TRAF2: variants seen among roughly 807,000 people sequenced by gnomAD.
TRAF2 encodes TNF receptor-associated factor 2.
A neutral mutation model predicts 55.6 loss-of-function variants in TRAF2; 6 were observed. The observed-to-expected ratio is 0.11, with a 90% CI of 0.06 to 0.21. TRAF2 has a LOEUF of 0.21. Ranked by LOEUF, TRAF2 falls within the 10% of genes least tolerant of loss-of-function variation. The pLI is 1.00. For synonymous variants in TRAF2, 329 were observed against 276.3 expected (o/e 1.19, Z -1.89); for missense variants, 561 against 684.5 (o/e 0.82, Z 2.01).
At chr9:136,883,069 C>T (rs1296908145), upstream of TRAF2, among the ~76,000 whole-genome samples, 2 of 152,128 alleles carry the variant, frequency 1.3e-5, no homozygotes, top group African/African-American at 4.8e-5. Context: ...GGGGTTTCAC[C>T]ACCTTGGCCA....
chr9:136,899,384 C>T (rs1170582722), intron 2 of TRAF2, among the ~76,000 whole-genome samples: 2 of 152,132 alleles, frequency 1.3e-5, no homozygotes, highest in East Asian at 3.9e-4. Flanking sequence ...TTCAGGCGTG[C>T]CTTCCTCACA....
chr9:136,924,960 A>G (rs554685188), intron 10 of TRAF2, among the ~76,000 whole-genome samples: 1 of 152,162 alleles, frequency 6.6e-6, no homozygotes, highest in Admixed American at 6.5e-5. Flanking sequence ...GCTGGTCTTG[A>G]TCTCCTGACC....
At chr9:136,889,549 T>A (rs559629089) in intron 1 of TRAF2, 1 of 152,262 alleles carries the variant, frequency 6.6e-6, no homozygotes, top group African/African-American at 2.4e-5. Context: ...ACTCCCAAAG[T>A]GCTGGGATTA....
intron 6 of TRAF2, among the ~76,000 whole-genome samples, chr9:136,910,530 G>C (rs1850078794): frequency 6.6e-6 from 1 of 152,218 alleles, no homozygotes; most frequent in East Asian, 1.9e-4. Context: ...AGGAAGCTGG[G>C]AAATAATACG....
intron 6 of TRAF2, among the ~76,000 whole-genome samples, chr9:136,913,070 C>T (rs1002181094): frequency 6.6e-6 from 1 of 151,812 alleles, no homozygotes; most frequent in Non-Finnish European, 1.5e-5. Context: ...CCGGGAGGCA[C>T]AGGTTGCAGT....
intron 4 of TRAF2, among the ~76,000 whole-genome samples, chr9:136,904,639 G>GCT (rs1849903989): frequency 6.6e-6 from 1 of 151,562 alleles, no homozygotes; most frequent in South Asian, 2.1e-4. Context: ...AATCTCCTGA[G>GCT]CTCGTGATCC....
At chr9:136,905,696 A>G (rs936696963) in intron 4 of TRAF2, among the ~76,000 whole-genome samples, 1 of 152,182 alleles carries the variant, frequency 6.6e-6, no homozygotes, top group African/African-American at 2.4e-5. Flanking sequence ...GACTTCTCCC[A>G]AAAGACGTGT....
chr9:136,900,513 A>C lies in TRAF2; in HGVS notation c.359A>C (p.Glu120Ala), dbSNP rs764955022. ...DGCTWKGTLK[E>A]YESCHEGRCP... ...TGCACCTGGAAGGGGACCCTGAAAG[A>C]ATACGAGGTAAAGATGCCTGCGTGT... The change falls in exon 4 of 11, where the codon GAA becomes GCA. Residue 120 changes from glutamate (E) to alanine (A), a missense_variant. By Grantham distance (107) the Glu-to-Ala change is moderately radical. Coordinates refer to ENST00000247668, the MANE Select transcript of TRAF2 (RefSeq NM_021138.4). 12 of 1,614,014 alleles carry C rather than the reference A, an allele frequency of 7.4e-6. No individual in the cohort carries two copies. Among genetic ancestry groups the C allele is most frequent in the Non-Finnish European group, 1.0e-5 (12 of 1,179,932 alleles).
At chr9:136,886,106 T>C (rs1182450506), upstream of TRAF2, 3 of 152,270 alleles carry the variant, frequency 2.0e-5, no homozygotes, top group Admixed American at 2.0e-4. Flanking sequence ...ACCTCTCGGG[T>C]GTGCGGCAGG....
At chr9:136,895,824 T>G in intron 1 of TRAF2, among the ~76,000 whole-genome samples, 2 of 135,488 alleles carry the variant, frequency 1.5e-5, no homozygotes, top group East Asian at 2.1e-4. Context: ...CCAGCCTAGG[T>G]GACAGAGCGT....
In TRAF2 at chr9:136,925,929, G is replaced by A; in HGVS notation, c.*28G>A. 1.2e-6 allele frequency: 2 copies of A among 1,612,416 alleles called. No individual in the cohort carries two copies. The highest frequency in any genetic ancestry group is 8.5e-7 in the Non-Finnish European group (1 of 1,179,138). ...GCCCCCTACTGGTGTCTGGGGGTTG[G>A]GGGCAGCCAGGCACAGCCGGCTCAC... On this transcript the variant is annotated 3_prime_UTR_variant, in exon 11 of 11. Transcript: ENST00000247668.
chr9:136,908,105 C>T lies in TRAF2; in HGVS notation c.402C>T (p.Thr134=), dbSNP rs771832578. 20 of 1,605,906 alleles carry T rather than the reference C, an allele frequency of 1.2e-5. No individual in the cohort carries two copies. The highest frequency in any genetic ancestry group is 5.3e-5 in the African/African-American group (4 of 74,926). The part of the protein sequence containing the change: ...CHEGRCPLML[T]ECPACKGLVR... ...AAGGCCGCTGCCCGCTCATGCTGAC[C>T]GAATGTCCCGCGTGCAAAGGCCTGG... Residue 134 remains threonine (T), a synonymous_variant, in exon 5 of 11, where the codon ACC becomes ACT. Coordinates refer to ENST00000247668, the MANE Select transcript of TRAF2 (RefSeq NM_021138.4).
rs938749494 is a variant in TRAF2, at chr9:136,921,231, C to G, written c.1138+16C>G. 5.6e-6 allele frequency: 9 copies of G among 1,612,886 alleles called. No homozygotes were observed. The highest frequency in any genetic ancestry group is 1.7e-5 in the Admixed American group (1 of 60,014). Reference sequence around the variant, plus strand: ...TTCTCCCCAGGTGTGGTTCTAGGACCCCCACCTCACTGCAGCTGCTGTTTA... The same window carrying G: ...TTCTCCCCAGGTGTGGTTCTAGGACGCCCACCTCACTGCAGCTGCTGTTTA... On this transcript the variant is annotated intron_variant, in intron 9 of 10. Coordinates refer to ENST00000247668, the MANE Select transcript of TRAF2 (RefSeq NM_021138.4).
At chr9:136,891,623 A>T (rs1849581862) in intron 1 of TRAF2, among the ~76,000 whole-genome samples, 1 of 152,080 alleles carries the variant, frequency 6.6e-6, no homozygotes, top group South Asian at 2.1e-4. Flanking sequence ...TCAAGAGCGC[A>T]TTTAGGAGGA....
chr9:136,897,214 G>A (rs116043969), intron 1 of TRAF2, among the ~76,000 whole-genome samples: 104 of 152,354 alleles, frequency 6.8e-4, no homozygotes, highest in African/African-American at 2.4e-3. Context: ...GAAGGGTGAG[G>A]TGCAGGTATT....
chr9:136,907,040 G>A (rs1226567678), intron 4 of TRAF2, among the ~76,000 whole-genome samples: 1 of 152,252 alleles, frequency 6.6e-6, no homozygotes, highest in Non-Finnish European at 1.5e-5. Flanking sequence ...GGGAAGCCCT[G>A]CCTGGGGCAG....
At position 136,909,994 on chromosome 9, in the gene TRAF2, G is replaced by A; in HGVS notation, c.603G>A (p.Lys201=). Residue 201 remains lysine, a splice_region_variant and synonymous_variant, in exon 6 of 11, where the codon AAG becomes AAA. Transcript: ENST00000247668. ...GCAAGAAGAAGATCCCCCGGGAGAAGGTGAGTGTCCTTCACCTCCTTGGAG... is the reference window on the plus strand; with the variant it reads ...GCAAGAAGAAGATCCCCCGGGAGAAAGTGAGTGTCCTTCACCTCCTTGGAG... The part of the protein sequence containing the change: ...GCGKKKIPRE[K]FQDHVKTCGK... 2 of 1,613,784 alleles carry A rather than the reference G, an allele frequency of 1.2e-6. No homozygotes were observed. The highest frequency in any genetic ancestry group is 8.5e-7 in the Non-Finnish European group (1 of 1,179,870).
At chr9:136,897,190 G>A (rs1050556693) in intron 1 of TRAF2, among the ~76,000 whole-genome samples, 3 of 152,092 alleles carry the variant, frequency 2.0e-5, no homozygotes, top group Admixed American at 6.5e-5. Context: ...GAAGAGCTGC[G>A]GTTAATTCAA....
chr9:136,911,264 C>CTTTTTTTTTTTTTT (rs34077067), intron 6 of TRAF2, among the ~76,000 whole-genome samples: 12 of 122,542 alleles, frequency 9.8e-5, no homozygotes, highest in African/African-American at 2.2e-4. Context: ...TCCTTCCCGT[C>CTTTTTTTTTTTTTT]TTTTTTTTTT....
Sources: gnomAD v4.1 joint callset for allele counts (sites outside exome capture counted in the v4.1 genomes callset) on GRCh38, gnomAD v4.1.1 for gene constraint, MANE v1.5 for transcripts, NCBI Gene and HGNC (gene_info 2026-07-23, HGNC 2026-07-21) for gene names.